Variants in SMARCA1 observed in about 807,000 individuals in gnomAD.
SMARCA1 encodes the protein SNF2 related chromatin remodeling ATPase 1, also known as SWI/SNF-related matrix-associated actin-dependent regulator of chromatin subfamily A member 1.
Under a neutral mutation model 93.6 loss-of-function variants are expected in SMARCA1, and 17 were observed. The observed-to-expected ratio is 0.18, with a 90% CI of 0.12 to 0.27. The LOEUF (loss-of-function observed/expected upper bound fraction) is 0.27. Among genes scored for constraint, SMARCA1 ranks in the 10% least tolerant of loss-of-function variants. The pLI, the probability that SMARCA1 is intolerant of heterozygous loss-of-function variation, is 1.00. For synonymous variants in SMARCA1, 271 were observed against 271.4 expected (o/e 1.00, Z 0.01); for missense variants, 630 against 819.0 (o/e 0.77, Z 2.82).
chrX:129,513,545 TA>T (rs1295086458), intron 5 of SMARCA1, among the ~76,000 whole-genome samples: 23 of 105,171 alleles, frequency 2.2e-4, no homozygotes, highest in African/African-American at 6.2e-4. Flanking sequence ...TATATATATA[TA>T]TTAAAAAAAG....
intron 19 of SMARCA1, among the ~76,000 whole-genome samples, chrX:129,479,295 ACTT>A (rs1933535843): frequency 9.0e-6 from 1 of 111,317 alleles, no homozygotes; most frequent in South Asian, 3.7e-4. Context: ...CAAGATAACT[ACTT>A]CATTATTAAA....
At position 129,504,315 on chromosome X, in the gene SMARCA1, G is replaced by A. The variant is rs74899223; in HGVS notation, c.1167+419C>T. Reference sequence around the variant, plus strand: ...AGATTAACAGGAAACAGAATGGGTGGAGGATAAAACTGCAAGACAGCTTAG... The same window carrying A: ...AGATTAACAGGAAACAGAATGGGTGAAGGATAAAACTGCAAGACAGCTTAG... On this transcript the variant is annotated intron_variant, in intron 9 of 24. Coordinates refer to ENST00000371121, the MANE Select transcript of SMARCA1 (RefSeq NM_001282874.2). 1.0e-3 allele frequency among the ~76,000 whole-genome samples: 115 copies of A among 110,875 alleles called. No homozygotes were observed. In the East Asian group the frequency reaches 0.032, roughly 31 times the overall value.
chrX:129,516,658 T>A (rs1422017417), intron 2 of SMARCA1, among the ~76,000 whole-genome samples, 161 bp from the exon 3 acceptor site: 2 of 112,016 alleles, frequency 1.8e-5, no homozygotes, highest in African/African-American at 6.5e-5. Context: ...ATCTCCATTG[T>A]AACTACATGA....
intron 5 of SMARCA1, among the ~76,000 whole-genome samples, chrX:129,513,804 G>A (rs1288567558): frequency 3.6e-5 from 4 of 110,075 alleles, no homozygotes; most frequent in African/African-American, 1.3e-4. Context: ...TTGCTTTAAG[G>A]GATCCTCTGC....
chrX:129,516,062 C>A, intron 3 of SMARCA1, 68 bp from the exon 4 acceptor site: 1 of 798,483 alleles, frequency 1.3e-6, no homozygotes. Context: ...AATCAGTGTA[C>A]ATGGCTATTA....
chrX:129,499,735 T>G lies in SMARCA1; in HGVS notation c.1274A>C (p.Glu425Ala). ...TAAAGGAAATGAAATAGCTCACCATTCTCGTTGCATCTTACTCAGCCCCAA... is the reference window on the plus strand; with the variant it reads ...TAAAGGAAATGAAATAGCTCACCATGCTCGTTGCATCTTACTCAGCCCCAA... The part of the protein sequence containing the change: ...IYLGLSKMQR[E>A]WYTKILMKDI... Residue 425 changes from glutamate to alanine, a missense_variant, in exon 10 of 25, where the codon GAA (glutamate) becomes GCA (alanine). By Grantham distance (107) the Glu-to-Ala change is moderately radical (BLOSUM62 -1). Around this residue, in one of 4 missense-constraint regions of SMARCA1, gnomAD observed 382 missense variants for 537.9 expected, o/e 0.71. Transcript: ENST00000371121. 1 of 1,054,251 alleles carries G rather than the reference T, an allele frequency of 9.5e-7. No individual in the cohort carries two copies. Among genetic ancestry groups the G allele is most frequent in the Non-Finnish European group, 1.3e-6 (1 of 758,493 alleles). 86.9% of individuals were successfully genotyped at this position (1,054,251 alleles called of 1,213,427 possible).
chrX:129,474,762 C>G (rs1174679538), intron 19 of SMARCA1, among the ~76,000 whole-genome samples: 1 of 111,671 alleles, frequency 9.0e-6, no homozygotes, highest in African/African-American at 3.3e-5. Context: ...TGTGTCCCCA[C>G]CCAAATTTCA....
At chrX:129,518,089 T>C (rs1285678266) in intron 2 of SMARCA1, among the ~76,000 whole-genome samples, 1 of 111,611 alleles carries the variant, frequency 9.0e-6, no homozygotes, top group East Asian at 2.8e-4. Flanking sequence ...CACTTTATTA[T>C]GGGACAGAGA....
At chrX:129,515,859 T>A in intron 4 of SMARCA1, 35 bp downstream of exon 4, 1 of 1,153,771 alleles carries the variant, frequency 8.7e-7, no homozygotes, top group Non-Finnish European at 1.2e-6. Flanking sequence ...AAAACTAAAT[T>A]GAAAAAGAAC....
At chrX:129,510,966 T>C (rs1367303014) in intron 6 of SMARCA1, among the ~76,000 whole-genome samples, 2 of 111,540 alleles carry the variant, frequency 1.8e-5, no homozygotes, top group South Asian at 3.7e-4. Flanking sequence ...GATAAAATTA[T>C]GTAATTCATT....
In SMARCA1 at chrX:129,480,284, G is replaced by A. The variant is rs143209001; in HGVS notation, c.2442+417C>T. ...AGTGACTACAATCTACTAACCACCAGCAAGGCTTTCAGCAACGTATAGGCA... is the reference window on the plus strand; with the variant it reads ...AGTGACTACAATCTACTAACCACCAACAAGGCTTTCAGCAACGTATAGGCA... On this transcript the variant is annotated intron_variant, in intron 19 of 24. Coordinates refer to ENST00000371121, the MANE Select transcript of SMARCA1 (RefSeq NM_001282874.2). 2.5e-3 allele frequency among the ~76,000 whole-genome samples: 285 copies of A among 111,888 alleles called. 1 individual carries two copies. The highest frequency in any genetic ancestry group is 7.8e-3 in the East Asian group (28 of 3,579).
At chrX:129,474,700 A>G (rs1933291250) in intron 19 of SMARCA1, among the ~76,000 whole-genome samples, 1 of 111,833 alleles carries the variant, frequency 8.9e-6, no homozygotes, top group African/African-American at 3.3e-5. Flanking sequence ...TTAGAATTAG[A>G]AAAGGCTCAA....
rs1935275146 is a variant in SMARCA1 at position 129,518,377 on chromosome X, T to A, written c.245A>T (p.Glu82Val). Residue 82 changes from glutamate to valine, a missense_variant, in exon 2 of 25, where the codon GAA becomes GTA. Glu to Val is a moderately radical substitution (Grantham distance 121, BLOSUM62 -2). Around this residue, in one of 4 missense-constraint regions of SMARCA1, gnomAD observed 103 missense variants for 82.0 expected, o/e 1.26. Transcript: ENST00000371121. ...APKSEKEMDPEYEEKMKADRA... is the reference protein window; with the variant it reads ...APKSEKEMDPVYEEKMKADRA... ...TACATTTACCATTTTCTCTTCATAT[T>A]CTGGGTCCATTTCCTTTTCAGATTT... 1.7e-6 allele frequency: 2 copies of A among 1,181,124 alleles called. No individual in the cohort carries two copies. Among genetic ancestry groups the A allele is most frequent in the Non-Finnish European group, 2.3e-6 (2 of 873,352 alleles).
At chrX:129,497,559 G>A (rs1386636205) in intron 11 of SMARCA1, among the ~76,000 whole-genome samples, 1 of 111,116 alleles carries the variant, frequency 9.0e-6, no homozygotes, top group Non-Finnish European at 1.9e-5. Context: ...TCACCTCAAA[G>A]GTCATCTCTG....
chrX:129,504,571 A>AAAC (rs1569446189), intron 9 of SMARCA1, among the ~76,000 whole-genome samples, 163 bp downstream of exon 9: 1 of 100,702 alleles, frequency 9.9e-6, no homozygotes, highest in African/African-American at 3.9e-5. Context: ...AAAAAAAAAA[A>AAAC]AAAAAAAAAA....
At chrX:129,514,212 G>A (rs1046370085) in intron 5 of SMARCA1, among the ~76,000 whole-genome samples, 4 of 111,693 alleles carry the variant, frequency 3.6e-5, no homozygotes, top group African/African-American at 1.3e-4. Flanking sequence ...AGCTACTCGG[G>A]AGGCTGAGGC....
intron 12 of SMARCA1, among the ~76,000 whole-genome samples, chrX:129,496,461 T>C (rs1934330315): frequency 9.1e-6 from 1 of 109,750 alleles, no homozygotes; most frequent in African/African-American, 3.3e-5. Flanking sequence ...TGAGAAACTG[T>C]TAGTAATTTA....
rs1249378373 is a variant in SMARCA1 at position 129,508,661 on chromosome X, C to A, written c.811-565G>T. On this transcript the variant is annotated intron_variant, in intron 6 of 24. Transcript: ENST00000371121. The stretch of plus-strand genomic sequence containing the variant: ...AGTTCCAGATCTTGCCATGAGGTTA[C>A]AAATATGATTTCATAAAGGGGACTT... Among the ~76,000 whole-genome samples, 3 of 112,210 alleles carry A rather than the reference C, an allele frequency of 2.7e-5. No homozygotes were observed. In the East Asian group the frequency reaches 8.3e-4, roughly 31 times the overall value.
intron 11 of SMARCA1, 28 bp from the exon 12 acceptor site, chrX:129,496,899 G>A (rs775074549): frequency 1.3e-5 from 15 of 1,178,358 alleles, no homozygotes; most frequent in South Asian, 1.9e-5. Context: ...GAAAAAGTGA[G>A]TTGTACAACT....
Sources: allele counts gnomAD v4.1 joint callset (sites outside exome capture counted in the v4.1 genomes callset), GRCh38; gene constraint gnomAD v4.1.1; regional missense constraint gnomAD v4.1.1; transcripts MANE v1.5; gene names NCBI Gene and HGNC (gene_info 2026-07-23, HGNC 2026-07-21).